The following ADAR variants were observed in gnomAD, a reference collection of about 807,000 sequenced individuals.
The protein encoded by ADAR is double-stranded RNA-specific adenosine deaminase.
ADAR carries 41 observed loss-of-function variants against 113.2 expected under a neutral mutation model. The observed-to-expected ratio is 0.36, with a 90% CI of 0.28 to 0.47. The LOEUF (loss-of-function observed/expected upper bound fraction) is 0.47, where lower values mean the gene tolerates loss of function less well. Among genes scored for constraint, ADAR ranks in the 20% least tolerant of loss-of-function variants. The pLI is 1.00. For missense variants in ADAR, 1,242 were observed against 1,540.9 expected, an observed-to-expected ratio of 0.81 and a Z score of 3.25; for synonymous variants, 605 against 572.6, an observed-to-expected ratio of 1.06 and a Z score of -0.81.
Position 154,588,555 on chromosome 1 carries a change from T to C in ADAR, c.2881A>G (p.Ile961Val), listed in dbSNP as rs1165197163. 1 of 1,613,890 alleles carries C rather than the reference T, an allele frequency of 6.2e-7. No homozygotes were observed. Among genetic ancestry groups the C allele is most frequent in the Non-Finnish European group, 8.5e-7 (1 of 1,180,038 alleles). The change falls in exon 10 of 15, where the codon ATC (isoleucine) becomes GTC (valine). Residue 961 changes from isoleucine (I) to valine (V), a missense_variant. By Grantham distance (29) the Ile-to-Val change is conservative. Transcript: ENST00000368474. ...IKKTVSFHLYISTAPCGDGAL... is the reference protein window; with the variant it reads ...IKKTVSFHLYVSTAPCGDGAL... ...AGCAACAGGAACTGTACAGACCTGATATACAGATGGAATGACACAGTCTTT... is the reference window on the plus strand; with the variant it reads ...AGCAACAGGAACTGTACAGACCTGACATACAGATGGAATGACACAGTCTTT...
At chr1:154,620,360 C>T (rs1051111514) in intron 1 of ADAR, among the ~76,000 whole-genome samples, 5 of 151,636 alleles carry the variant, frequency 3.3e-5, no homozygotes, top group African/African-American at 9.7e-5. Context: ...GAGCCAAGAT[C>T]GTGCCACTGC....
intron 6 of ADAR, among the ~76,000 whole-genome samples, chr1:154,591,660 T>G (rs748157409): frequency 3.3e-5 from 5 of 152,350 alleles, no homozygotes; most frequent in Non-Finnish European, 5.9e-5. Flanking sequence ...AACCAGATCC[T>G]AATCTACTGG....
At chr1:154,608,845 T>TGGGGGGGGGGGGG (rs1557898287), upstream of ADAR, 1 of 86,912 alleles carries the variant, frequency 1.2e-5, no homozygotes, top group Non-Finnish European at 2.4e-5. Flanking sequence ...GGGGAGGGGA[T>TGGGGGGGGGGGGG]GGGCGGGAGC....
intron 1 of ADAR, among the ~76,000 whole-genome samples, chr1:154,606,244 G>A (rs951703064): frequency 2.6e-5 from 4 of 152,204 alleles, no homozygotes; most frequent in Non-Finnish European, 4.4e-5. Flanking sequence ...GTTTCACCAT[G>A]CTGGCCAGGA....
upstream of ADAR, chr1:154,608,254 C>T: frequency 2.0e-6 from 1 of 509,906 alleles, no homozygotes; most frequent in Non-Finnish European, 3.4e-6. Context: ...GGGGCTTGAG[C>T]AAATCTTGCG....
chr1:154,591,033 C>T (rs901652607), intron 6 of ADAR, among the ~76,000 whole-genome samples: 1 of 152,168 alleles, frequency 6.6e-6, no homozygotes, highest in African/African-American at 2.4e-5. Context: ...TGTAAACACA[C>T]TGAAATAGGA....
chr1:154,595,464 G>C (rs1192499177), intron 6 of ADAR, among the ~76,000 whole-genome samples: 1 of 151,902 alleles, frequency 6.6e-6, no homozygotes. Flanking sequence ...AACAGCTAAT[G>C]TATTTTCATC....
upstream of ADAR, among the ~76,000 whole-genome samples, chr1:154,612,723 C>T (rs1376130859): frequency 6.6e-6 from 1 of 151,996 alleles, no homozygotes; most frequent in Non-Finnish European, 1.5e-5. Flanking sequence ...AATTTATTGC[C>T]CTCCTTTTTT....
intron 1 of ADAR, among the ~76,000 whole-genome samples, chr1:154,622,988 A>G: frequency 6.6e-6 from 1 of 152,218 alleles, no homozygotes; most frequent in Admixed American, 6.5e-5. Context: ...AAACAAATAA[A>G]TATACAATGT....
At chr1:154,610,808 C>CAAAAAAAAAAAAAAAAAA (rs1369386387), upstream of ADAR, among the ~76,000 whole-genome samples, 19 of 40,554 alleles carry the variant, frequency 4.7e-4, 1 homozygote, top group Non-Finnish European at 7.2e-4. Flanking sequence ...GACACCGTCT[C>CAAAAAAAAAAAAAAAAAA]AAAAAAAAAA....
intron 1 of ADAR, chr1:154,605,927 A>T: frequency 1.1e-6 from 1 of 915,864 alleles, no homozygotes; most frequent in Non-Finnish European, 1.3e-6. Context: ...CTCTTGGCCC[A>T]AATCTGGAAA....
chr1:154,626,600 C>T (rs1481578793), intron 1 of ADAR, among the ~76,000 whole-genome samples: 1 of 152,140 alleles, frequency 6.6e-6, no homozygotes, highest in African/African-American at 2.4e-5. Context: ...CAATAGGAAA[C>T]CTTCAGCAAG....
At chr1:154,625,813 T>C (rs1698917346) in intron 1 of ADAR, among the ~76,000 whole-genome samples, 1 of 152,276 alleles carries the variant, frequency 6.6e-6, no homozygotes, top group Admixed American at 6.5e-5. Context: ...GAGACCAGCC[T>C]GGCCAACATG....
At chr1:154,623,371 C>T (rs969497330) in intron 1 of ADAR, among the ~76,000 whole-genome samples, 1 of 152,174 alleles carries the variant, frequency 6.6e-6, no homozygotes, top group African/African-American at 2.4e-5. Context: ...GATGGACAAA[C>T]ACAACCCACT....
chr1:154,620,263 TG>T (rs1274158676), intron 1 of ADAR, among the ~76,000 whole-genome samples: 2 of 152,032 alleles, frequency 1.3e-5, no homozygotes, highest in African/African-American at 4.8e-5. Context: ...AAACATTAGC[TG>T]GGCATGGTGG....
chr1:154,587,696 G>A (rs1696859115), intron 11 of ADAR, among the ~76,000 whole-genome samples: 1 of 152,194 alleles, frequency 6.6e-6, no homozygotes, highest in Non-Finnish European at 1.5e-5. Flanking sequence ...TCAACTGCCA[G>A]CTAGACAGGA....
At chr1:154,600,891 C>G in intron 2 of ADAR, 150 bp downstream of exon 2, 1 of 1,099,792 alleles carries the variant, frequency 9.1e-7, no homozygotes, top group Non-Finnish European at 1.4e-6. Context: ...GGAGAAAGGG[C>G]CAATCAAGGG....
intron 6 of ADAR, among the ~76,000 whole-genome samples, chr1:154,596,212 C>T (rs1405998060): frequency 2.0e-5 from 3 of 152,182 alleles, no homozygotes; most frequent in Non-Finnish European, 4.4e-5. Context: ...GGAAATGAGA[C>T]TTTTCATTGA....
At chr1:154,618,776 A>T (rs544827462) in intron 1 of ADAR, among the ~76,000 whole-genome samples, 1 of 152,304 alleles carries the variant, frequency 6.6e-6, no homozygotes, top group South Asian at 2.1e-4. Flanking sequence ...ACAAATTGCA[A>T]ATGTATTGAC....
Sources: gnomAD v4.1 joint callset for allele counts (sites outside exome capture counted in the v4.1 genomes callset) on GRCh38, gnomAD v4.1.1 for gene constraint, MANE v1.5 for transcripts, NCBI Gene and HGNC (gene_info 2026-07-23, HGNC 2026-07-21) for gene names.